C17orf75: variants seen among roughly 807,000 people sequenced by gnomAD.
C17orf75 encodes chromosome 17 open reading frame 75, also known as protein Njmu-R1.
A neutral mutation model predicts 49.6 loss-of-function variants in C17orf75; 32 were observed. The ratio of observed to expected loss-of-function variants is 0.65; its 90% CI spans 0.49 to 0.87. C17orf75 has a LOEUF of 0.87. Ranked by LOEUF, C17orf75 falls within the 40% of genes least tolerant of loss-of-function variation. The pLI, the probability that C17orf75 is intolerant of heterozygous loss-of-function variation, is 0.00. For missense variants in C17orf75, 428 were observed against 473.9 expected (o/e 0.90, Z 0.90); for synonymous variants, 158 against 159.5 (o/e 0.99, Z 0.07).
Position 32,330,352 on chromosome 17 carries a change from C to G in C17orf75, c.*1411G>C, listed in dbSNP as rs1458633188. 1 of 152,184 alleles carries G rather than the reference C, an allele frequency of 6.6e-6. No individual in the cohort carries two copies. The highest frequency in any genetic ancestry group is 1.5e-5 in the Non-Finnish European group (1 of 68,044). The allele number at this position is 152,184 out of a possible 1,614,324, so 9.4% of individuals were successfully genotyped here. A position where few individuals can be genotyped will look rare whatever the true frequency, so the allele number is the denominator to read the frequency against. ...TTGTCAGTCATTTTGAAAGTTAAAA[C>G]TCAGCACTTAATGTGAATTTAGATC... On this transcript the variant is annotated 3_prime_UTR_variant, in exon 10 of 10. Transcript: ENST00000577809.
chr17:32,342,100 T>C lies in C17orf75; in HGVS notation c.40A>G (p.Lys14Glu). 2 of 1,601,000 alleles carry C rather than the reference T, an allele frequency of 1.2e-6. No individual in the cohort carries two copies. Among genetic ancestry groups the C allele is most frequent in the Non-Finnish European group, 8.5e-7 (1 of 1,174,536 alleles). Reference sequence around the variant, plus strand: ...CCCTCTTCGCTGCTCTCTAGTTCCTTTTCATCTCCATCCATCGACTCCTGC... The same window carrying C: ...CCCTCTTCGCTGCTCTCTAGTTCCTCTTCATCTCCATCCATCGACTCCTGC... ...SLQESMDGDE[K>E]ELESSEEGGS... The change falls in exon 1 of 10, where the codon AAG becomes GAG. Residue 14 changes from lysine (K) to glutamate (E), a missense_variant. By Grantham distance (56) the Lys-to-Glu change is moderately conservative (BLOSUM62 1). Transcript: ENST00000577809.
chr17:32,337,964 T>C lies in C17orf75; in HGVS notation c.492-10A>G, dbSNP rs966300612. 1.9e-6 allele frequency: 3 copies of C among 1,596,694 alleles called. No homozygotes were observed. The highest frequency in any genetic ancestry group is 1.8e-5 in the Admixed American group (1 of 57,026). On this transcript the variant is annotated splice_polypyrimidine_tract_variant and intron_variant, in intron 4 of 9. Coordinates refer to ENST00000577809, the MANE Select transcript of C17orf75 (RefSeq NM_022344.4). ...CAATTCAAGCCTGAAAGTATGTTCTTAAGGAAGCAATAAAGGATGAATAAT... is the reference window on the plus strand; with the variant it reads ...CAATTCAAGCCTGAAAGTATGTTCTCAAGGAAGCAATAAAGGATGAATAAT...
intron 2 of C17orf75, chr17:32,340,872 G>A (rs2041373154): frequency 4.0e-6 from 1 of 247,388 alleles, no homozygotes. Flanking sequence ...TGAGGCCGGG[G>A]AGGTTGACGC....
Position 32,341,982 on chromosome 17 carries a change from C to G in C17orf75, c.140+18G>C, listed in dbSNP as rs1463818965. 20 of 1,419,818 alleles carry G rather than the reference C, an allele frequency of 1.4e-5. No homozygotes were observed. Among genetic ancestry groups the G allele is most frequent in the Middle Eastern group, 3.9e-4 (2 of 5,190 alleles). 88.0% of individuals were successfully genotyped at this position (1,419,818 alleles called of 1,614,324 possible). ...CGCAGGGGCGGGCGGGCTGGCAGGCCGAGCTGGGCGCCAGCACCTGCTTCC... is the reference window on the plus strand; with the variant it reads ...CGCAGGGGCGGGCGGGCTGGCAGGCGGAGCTGGGCGCCAGCACCTGCTTCC... On this transcript the variant is annotated intron_variant, in intron 1 of 9. Transcript: ENST00000577809.
At chr17:32,343,732 A>G, upstream of C17orf75, 1 of 602,624 alleles carries the variant, frequency 1.7e-6, no homozygotes, top group East Asian at 2.8e-5. Context: ...TAACATTGTC[A>G]GTTTCCTTAT....
At position 32,331,756 on chromosome 17, in the gene C17orf75, CAT is replaced by C. The variant is rs760015889; in HGVS notation, c.*5_*6del. 4 of 1,598,006 alleles carry C rather than the reference CAT, an allele frequency of 2.5e-6. No individual in the cohort carries two copies. Among genetic ancestry groups the C allele is most frequent in the East Asian group, 4.5e-5 (2 of 44,744 alleles). ...ACTTGATCATACAATTATCTCAAAA[CAT>C]ATGATCAAAAACTTTGGTCAAGAGC... On this transcript the variant is annotated 3_prime_UTR_variant, in exon 10 of 10. Coordinates refer to ENST00000577809, the MANE Select transcript of C17orf75 (RefSeq NM_022344.4).
In C17orf75 at chr17:32,331,613, T is replaced by TTTAAG; in HGVS notation, c.*145_*149dup. The TTTAAG allele has an allele frequency of 1.5e-6, 1 of 670,576 alleles. No homozygotes were observed. Among genetic ancestry groups the TTTAAG allele is most frequent in the East Asian group, 2.7e-5 (1 of 36,674 alleles). The allele number at this position is 670,576 out of a possible 1,614,324, so 41.5% of individuals were successfully genotyped here. ...AGTGAAGATGTTCTTCAGATTTTTA[T>TTTAAG]TTAAGTTAAATTGGTAAAATACAAA... On this transcript the variant is annotated 3_prime_UTR_variant, in exon 10 of 10. Transcript: ENST00000577809.
chr17:32,342,634 T>C (rs991133736), upstream of C17orf75, among the ~76,000 whole-genome samples: 1 of 152,186 alleles, frequency 6.6e-6, no homozygotes, highest in Non-Finnish European at 1.5e-5. Flanking sequence ...TTTAAAAAAA[T>C]GACTACGTAA....
rs2041362993 is a variant in C17orf75, at chr17:32,339,921, G to T, written c.239C>A (p.Thr80Asn). Residue 80 changes from threonine to asparagine, a missense_variant, in exon 3 of 10, where the codon ACT (threonine) becomes AAT (asparagine). By Grantham distance (65) the Thr-to-Asn change is moderately conservative. Transcript: ENST00000577809. Reference protein sequence around the residue: ...GDDFSLSLADTNLPSEVEPEL... With the variant: ...GDDFSLSLADNNLPSEVEPEL... ...TGGCTCCACTTCGGATGGTAGATTA[G>T]TATCTGCCAAGGAGAGGCTTGACAA... 1 of 1,613,978 alleles carries T rather than the reference G, an allele frequency of 6.2e-7. No homozygotes were observed. Among genetic ancestry groups the T allele is most frequent in the South Asian group, 1.1e-5 (1 of 91,080 alleles).
chr17:32,338,114 G>A, intron 4 of C17orf75, 94 bp downstream of exon 4: 1 of 1,556,296 alleles, frequency 6.4e-7, no homozygotes. Flanking sequence ...TACACGAGGA[G>A]TAGAAAAGCT....
rs2041251527 is a variant in C17orf75, at chr17:32,328,705, A to C, written c.*3058T>G. 6.6e-6 allele frequency: 1 copy of C among 152,224 alleles called. No individual in the cohort carries two copies. Among genetic ancestry groups the C allele is most frequent in the African/African-American group, 2.4e-5 (1 of 41,446 alleles). 9.4% of individuals were successfully genotyped at this position (152,224 alleles called of 1,614,324 possible). A position where few individuals can be genotyped will look rare whatever the true frequency, so the allele number is the denominator to read the frequency against. On this transcript the variant is annotated 3_prime_UTR_variant, in exon 10 of 10. Transcript: ENST00000577809. ...GAAGATCGAGACCATCCTGGCTAAC[A>C]CGGTGAAACCCCGTCTCTACTAAAA...
At chr17:32,335,201 T>C (rs922391795) in intron 6 of C17orf75, 122 bp downstream of exon 6, 2 of 1,224,104 alleles carry the variant, frequency 1.6e-6, no homozygotes, top group African/African-American at 1.5e-5. Flanking sequence ...TCTATCTTGA[T>C]AGCAAGCATA....
At chr17:32,344,156 G>A (rs1199234134), upstream of C17orf75, 1 of 528,022 alleles carries the variant, frequency 1.9e-6, no homozygotes, top group Non-Finnish European at 3.4e-6. Context: ...TCTCACTCAG[G>A]AAACAGCTGT....
At chr17:32,341,849 T>C in intron 1 of C17orf75, 151 bp downstream of exon 1, 2 of 1,077,306 alleles carry the variant, frequency 1.9e-6, no homozygotes, top group Non-Finnish European at 2.2e-6. Context: ...AGGAGCGCCC[T>C]TCAGGCCAGA....
intron 1 of C17orf75, among the ~76,000 whole-genome samples, chr17:32,349,613 C>T (rs1240808282): frequency 6.6e-6 from 1 of 151,932 alleles, no homozygotes; most frequent in African/African-American, 2.4e-5. Flanking sequence ...AAAAACAAAA[C>T]TTTACTTGAC....
Position 32,333,485 on chromosome 17 carries a change from A to C in C17orf75, c.907T>G (p.Phe303Val), listed in dbSNP as rs774801739. ...NRFCEDWMQA[F>V]LNGAKGGNPF... ...TTACCTCCTTTGGCACCATTTAAAA[A>C]AGCTTGCATCCAATCCTCACAAAAC... Residue 303 changes from phenylalanine to valine, a missense_variant, in exon 9 of 10, where the codon TTT (phenylalanine) becomes GTT (valine). Coordinates refer to ENST00000577809, the MANE Select transcript of C17orf75 (RefSeq NM_022344.4). 2 of 1,613,634 alleles carry C rather than the reference A, an allele frequency of 1.2e-6. No homozygotes were observed. Among genetic ancestry groups the C allele is most frequent in the Admixed American group, 3.3e-5 (2 of 59,942 alleles).
rs1160354373 is a variant in C17orf75 at position 32,340,538 on chromosome 17, G to T, written c.222-600C>A. On this transcript the variant is annotated intron_variant, in intron 2 of 9. Transcript: ENST00000577809. ...TGGGTGCCTGTAGTCCTAGCTACTC[G>T]GGAGGCTGAGGCAGGAGAATGGCGT... 2.6e-5 allele frequency among the ~76,000 whole-genome samples: 4 copies of T among 151,888 alleles called. No individual in the cohort carries two copies. In the South Asian group the frequency reaches 8.3e-4, roughly 32 times the overall value.
At chr17:32,338,602 AAAATTCACAC>A (rs1352921761) in intron 3 of C17orf75, among the ~76,000 whole-genome samples, 2 of 152,196 alleles carry the variant, frequency 1.3e-5, no homozygotes, top group African/African-American at 4.8e-5. Flanking sequence ...TCTTATGTGA[AAAATTCACAC>A]AAATTTCACT....
At chr17:32,334,425 C>G (rs1270208012) in intron 8 of C17orf75, 44 bp downstream of exon 8, 1 of 1,582,936 alleles carries the variant, frequency 6.3e-7, no homozygotes, top group Admixed American at 1.8e-5. Context: ...AAGATGGGGA[C>G]TCGCAAGAGA....
Sources: gnomAD v4.1 joint callset for allele counts (sites outside exome capture counted in the v4.1 genomes callset) on GRCh38, gnomAD v4.1.1 for gene constraint, MANE v1.5 for transcripts, NCBI Gene and HGNC (gene_info 2026-07-23, HGNC 2026-07-21) for gene names.